Variants in NTRK2 observed in about 807,000 individuals in gnomAD.
NTRK2 encodes BDNF/NT-3 growth factors receptor.
In NTRK2, 13 loss-of-function variants were observed where a neutral mutation model predicts 94.5. That is an observed-to-expected ratio of 0.14 (90% CI 0.09 to 0.22). NTRK2 has a LOEUF of 0.22. Among genes scored for constraint, NTRK2 ranks in the 10% least tolerant of loss-of-function variants. The probability of loss-of-function intolerance (pLI) is 1.00; values close to 1 mark genes in which losing one functional copy is unlikely to be tolerated. For missense variants in NTRK2, 639 were observed against 1,071.2 expected (o/e 0.60, Z 5.63); for synonymous variants, 372 against 407.4 (o/e 0.91, Z 1.05).
chr9:84,913,384 C>T (rs1435440704), intron 14 of NTRK2, among the ~76,000 whole-genome samples: 1 of 152,070 alleles, frequency 6.6e-6, no homozygotes, highest in East Asian at 1.9e-4. Flanking sequence ...ATATAATTGT[C>T]TTACATATTT....
At chr9:84,955,036 C>G (rs146424718) in intron 16 of NTRK2, among the ~76,000 whole-genome samples, 4 of 152,330 alleles carry the variant, frequency 2.6e-5, no homozygotes, top group African/African-American at 7.2e-5. Context: ...TTCAGGCCCA[C>G]GGGGTCCTGG....
At chr9:84,832,851 C>T (rs572863543) in intron 12 of NTRK2, among the ~76,000 whole-genome samples, 7 of 152,136 alleles carry the variant, frequency 4.6e-5, no homozygotes, top group African/African-American at 1.2e-4. Context: ...GAGGACGATG[C>T]GGGAGAAATT....
At chr9:85,011,323 A>G (rs1212743588) in intron 17 of NTRK2, among the ~76,000 whole-genome samples, 1 of 152,140 alleles carries the variant, frequency 6.6e-6, no homozygotes, top group Admixed American at 6.5e-5. Context: ...GCTCCCCTGA[A>G]CTGTGCCAGA....
intron 16 of NTRK2, among the ~76,000 whole-genome samples, chr9:84,950,894 C>A (rs144635072): frequency 1.3e-5 from 2 of 152,248 alleles, no homozygotes; most frequent in East Asian, 1.9e-4. Context: ...GAAGTGGCAC[C>A]TTTCTTGTGA....
chr9:84,962,722 G>C (rs1174897953), intron 17 of NTRK2, among the ~76,000 whole-genome samples: 1 of 152,168 alleles, frequency 6.6e-6, no homozygotes, highest in African/African-American at 2.4e-5. Flanking sequence ...GCTTTCTCGT[G>C]CCTGTGATAT....
chr9:84,698,121 T>C (rs1426069690), intron 2 of NTRK2, among the ~76,000 whole-genome samples: 1 of 152,046 alleles, frequency 6.6e-6, no homozygotes, highest in Non-Finnish European at 1.5e-5. Context: ...ATGGTATAAA[T>C]AGTTTCTGTG....
chr9:84,811,249 A>C, intron 12 of NTRK2: 1 of 1,064,772 alleles, frequency 9.4e-7, no homozygotes, highest in Non-Finnish European at 1.1e-6. Flanking sequence ...AACAATGTTA[A>C]GGATTGTCTT....
chr9:84,898,029 G>GA (rs1244335941), intron 14 of NTRK2, among the ~76,000 whole-genome samples: 3 of 151,020 alleles, frequency 2.0e-5, no homozygotes, highest in Non-Finnish European at 4.4e-5. Flanking sequence ...CATGGGATAA[G>GA]AAAAAGATGA....
Position 84,877,468 on chromosome 9 carries a change from A to G in NTRK2, c.1633+10037A>G, listed in dbSNP as rs1008192670. The G allele has an allele frequency of 3.4e-5, 36 of 1,065,908 alleles. No homozygotes were observed. In the African/African-American group the frequency reaches 5.6e-4, roughly 16 times the overall value. The allele number at this position is 1,065,908 out of a possible 1,614,324, so 66.0% of individuals were successfully genotyped here. On this transcript the variant is annotated intron_variant, in intron 14 of 18. Transcript: ENST00000277120. Reference sequence around the variant, plus strand: ...TTCCTCAAGGAAACCCTGCTGGCTAATGGGCACTACATCTGTGTATTACTG... The same window carrying G: ...TTCCTCAAGGAAACCCTGCTGGCTAGTGGGCACTACATCTGTGTATTACTG...
intron 12 of NTRK2, among the ~76,000 whole-genome samples, chr9:84,823,350 T>G (rs900277802): frequency 6.6e-6 from 1 of 152,226 alleles, no homozygotes; most frequent in South Asian, 2.1e-4. Context: ...GAAGAGTGTT[T>G]ATGGAAGTGT....
chr9:84,864,217 G>A (rs1359075185), intron 13 of NTRK2, among the ~76,000 whole-genome samples: 1 of 152,064 alleles, frequency 6.6e-6, no homozygotes, highest in Non-Finnish European at 1.5e-5. Context: ...AAGCAACTGG[G>A]GTCAATGCAT....
intron 14 of NTRK2, among the ~76,000 whole-genome samples, chr9:84,905,357 G>A (rs2132436325): frequency 6.6e-6 from 1 of 151,484 alleles, no homozygotes; most frequent in Admixed American, 6.6e-5. Context: ...ACAGAAGCAG[G>A]GTTTTTAAAG....
intron 14 of NTRK2, among the ~76,000 whole-genome samples, chr9:84,892,641 C>G (rs570435650): frequency 1.3e-5 from 2 of 152,356 alleles, no homozygotes; most frequent in African/African-American, 4.8e-5. Context: ...CTGTCCTAGG[C>G]TGGGCACAGT....
At chr9:84,961,522 C>A (rs1462708363) in intron 17 of NTRK2, among the ~76,000 whole-genome samples, 2 of 152,212 alleles carry the variant, frequency 1.3e-5, no homozygotes, top group Non-Finnish European at 2.9e-5. Flanking sequence ...TTTCAAGGTT[C>A]TAAATTGGTT....
chr9:84,798,912 C>CTATATATATATATATATATA lies in NTRK2; in HGVS notation c.1396+46837_1396+46856dup, dbSNP rs57167822. ...GCTATATGCCAGACACTTCTAAGTG[C>CTATATATATATATATATATA]TATATATATATATATATATATATAT... On this transcript the variant is annotated intron_variant, in intron 12 of 18. Transcript: ENST00000277120. 3.2e-3 allele frequency among the ~76,000 whole-genome samples: 404 copies of CTATATATATATATATATATA among 127,878 alleles called. 11 individuals are homozygous for CTATATATATATATATATATA. Among genetic ancestry groups the CTATATATATATATATATATA allele is most frequent in the Middle Eastern group, 8.3e-3 (2 of 240 alleles). The allele number at this position is 127,878 out of a possible 152,430, so 83.9% of individuals were successfully genotyped here.
At chr9:85,016,043 A>G (rs1339360087) in intron 17 of NTRK2, among the ~76,000 whole-genome samples, 2 of 152,212 alleles carry the variant, frequency 1.3e-5, no homozygotes, top group African/African-American at 4.8e-5. Flanking sequence ...TGTAGAGCAT[A>G]ACTGTTGGGT....
intron 14 of NTRK2, among the ~76,000 whole-genome samples, chr9:84,919,138 G>A (rs1236077371): frequency 2.0e-5 from 3 of 152,094 alleles, no homozygotes; most frequent in Non-Finnish European, 4.4e-5. Context: ...TCGGTGCCTT[G>A]CTATTTGCCT....
At chr9:84,705,709 G>A (rs553004566) in intron 4 of NTRK2, among the ~76,000 whole-genome samples, 2 of 151,456 alleles carry the variant, frequency 1.3e-5, no homozygotes, top group African/African-American at 4.8e-5. Context: ...GAAGATGAAA[G>A]CATTGTGCCT....
intron 12 of NTRK2, among the ~76,000 whole-genome samples, chr9:84,774,717 A>G (rs566146416): frequency 1.3e-5 from 2 of 152,360 alleles, no homozygotes; most frequent in South Asian, 4.1e-4. Context: ...TATAGGGTCC[A>G]TAGGAATCTT....
Sources: allele counts gnomAD v4.1 joint callset (sites outside exome capture counted in the v4.1 genomes callset), GRCh38; gene constraint gnomAD v4.1.1; transcripts MANE v1.5; gene names NCBI Gene and HGNC (gene_info 2026-07-23, HGNC 2026-07-21).